The following NELL2 variants were observed in gnomAD, a reference collection of about 807,000 sequenced individuals.
NELL2 encodes the protein protein kinase C-binding protein NELL2.
NELL2 carries 41 observed loss-of-function variants against 109.6 expected under a neutral mutation model. The ratio of observed to expected loss-of-function variants is 0.37; its 90% CI spans 0.29 to 0.49. The LOEUF (loss-of-function observed/expected upper bound fraction) is 0.49, where lower values mean the gene tolerates loss of function less well. Ranked by LOEUF, NELL2 falls within the 20% of genes least tolerant of loss-of-function variation. NELL2 has a pLI of 0.98. For missense variants in NELL2, 900 were observed against 1,008.3 expected (o/e 0.89, Z 1.45); for synonymous variants, 355 against 344.7 (o/e 1.03, Z -0.33).
At chr12:44,712,725 T>C (rs770518169) in intron 10 of NELL2, among the ~76,000 whole-genome samples, 6 of 152,020 alleles carry the variant, frequency 3.9e-5, no homozygotes, top group Admixed American at 3.3e-4. Flanking sequence ...AGTCACTAGG[T>C]ACATGTGGCT....
intron 13 of NELL2, among the ~76,000 whole-genome samples, chr12:44,625,023 T>TATAC (rs1405062743): frequency 7.0e-6 from 1 of 142,144 alleles, no homozygotes; most frequent in East Asian, 2.0e-4. Context: ...TATATATATA[T>TATAC]ATATATATAT....
chr12:44,805,062 A>G (rs1942954427), intron 3 of NELL2, among the ~76,000 whole-genome samples: 1 of 151,910 alleles, frequency 6.6e-6, no homozygotes, highest in Non-Finnish European at 1.5e-5. Context: ...AGGAATTAAA[A>G]TAACAAAATA....
intron 12 of NELL2, among the ~76,000 whole-genome samples, chr12:44,672,890 C>T (rs1023747698): frequency 2.0e-5 from 3 of 152,128 alleles, no homozygotes; most frequent in Admixed American, 2.0e-4. Flanking sequence ...AGATGTTTCC[C>T]TTTTAAGCTA....
At chr12:44,833,244 T>G (rs776612302) in intron 2 of NELL2, among the ~76,000 whole-genome samples, 5 of 152,224 alleles carry the variant, frequency 3.3e-5, no homozygotes, top group Admixed American at 6.5e-5. Flanking sequence ...TCACTATATT[T>G]TATGCTTTAA....
At chr12:44,587,051 T>A (rs1944534810) in intron 15 of NELL2, among the ~76,000 whole-genome samples, 2 of 151,884 alleles carry the variant, frequency 1.3e-5, no homozygotes, top group South Asian at 2.1e-4. Flanking sequence ...GGCGGGTGGA[T>A]CATGAGGTCA....
At chr12:44,672,117 C>A (rs1196538287) in intron 12 of NELL2, among the ~76,000 whole-genome samples, 2 of 152,168 alleles carry the variant, frequency 1.3e-5, no homozygotes, top group East Asian at 1.9e-4. Flanking sequence ...CAGTGAGTCC[C>A]AGCTGGAGCA....
chr12:44,523,707 G>C lies in NELL2; in HGVS notation c.1805-223C>G, dbSNP rs73096332. The C allele has an allele frequency of 3.6e-3, 1,970 of 543,606 alleles. 4 individuals carry two copies. Among genetic ancestry groups the C allele is most frequent in the Admixed American group, 5.4e-3 (161 of 29,782 alleles). The allele number at this position is 543,606 out of a possible 1,614,324, so 33.7% of individuals were successfully genotyped here. On this transcript the variant is annotated intron_variant, in intron 16 of 19. Transcript: ENST00000429094. ...TTGATTTAAAAAATCAGGTAACCTTGGCTAGAATTTCAACTTTTATATCTC... is the reference window on the plus strand; with the variant it reads ...TTGATTTAAAAAATCAGGTAACCTTCGCTAGAATTTCAACTTTTATATCTC...
In NELL2 at chr12:44,876,283, G is replaced by GCACCCGCCCGTCTTCC; in HGVS notation, c.-415_-414insGGAAGACGGGCGGGTG. 8.7e-7 allele frequency: 1 copy of GCACCCGCCCGTCTTCC among 1,144,546 alleles called. No individual in the cohort carries two copies. Among genetic ancestry groups the GCACCCGCCCGTCTTCC allele is most frequent in the East Asian group, 4.7e-5 (1 of 21,058 alleles). The allele number at this position is 1,144,546 out of a possible 1,614,324, so 70.9% of individuals were successfully genotyped here. A position where few individuals can be genotyped will look rare whatever the true frequency, so the allele number is the denominator to read the frequency against. On this transcript the variant is annotated 5_prime_UTR_variant, in exon 1 of 20. Coordinates refer to ENST00000429094, the MANE Select transcript of NELL2 (RefSeq NM_001145108.2). ...GGCCCCGCACCCCCCCGTCTTCCCC[G>GCACCCGCCCGTCTTCC]CCGCCCGAACCTGTTGTAAAGGCAG...
At chr12:44,735,565 C>T (rs1192403570) in intron 9 of NELL2, among the ~76,000 whole-genome samples, 2 of 152,142 alleles carry the variant, frequency 1.3e-5, no homozygotes, top group African/African-American at 2.4e-5. Context: ...AATGCTTCCT[C>T]CTACTATAGG....
At chr12:44,697,237 A>T (rs1032295720) in intron 12 of NELL2, among the ~76,000 whole-genome samples, 3 of 152,230 alleles carry the variant, frequency 2.0e-5, no homozygotes, top group Non-Finnish European at 4.4e-5. Context: ...ATAATTATTT[A>T]CCCACTTATT....
At chr12:44,812,690 T>C (rs1014789589) in intron 3 of NELL2, among the ~76,000 whole-genome samples, 11 of 151,800 alleles carry the variant, frequency 7.2e-5, no homozygotes, top group South Asian at 4.1e-4. Context: ...AAAAATCCAA[T>C]ACAAGCCATA....
chr12:44,672,672 A>T (rs11834792), intron 12 of NELL2, among the ~76,000 whole-genome samples: 2,283 of 152,306 alleles, frequency 0.015, 61 homozygotes, highest in African/African-American at 0.052. Flanking sequence ...TCTGTGAGAG[A>T]GGTGGGGAAA....
intron 3 of NELL2, among the ~76,000 whole-genome samples, chr12:44,782,625 A>C (rs550586446): frequency 6.6e-6 from 1 of 152,078 alleles, no homozygotes; most frequent in Non-Finnish European, 1.5e-5. Flanking sequence ...TATATTTCAG[A>C]GCCAAAAAAT....
At chr12:44,762,673 G>C (rs567269783) in intron 9 of NELL2, among the ~76,000 whole-genome samples, 4 of 152,166 alleles carry the variant, frequency 2.6e-5, no homozygotes, top group Non-Finnish European at 4.4e-5. Flanking sequence ...CAGAGCCTCT[G>C]AATATTCAAT....
chr12:44,918,517 A>ATGTGTGTGTG (rs10589306), upstream of NELL2, among the ~76,000 whole-genome samples: 53 of 123,952 alleles, frequency 4.3e-4, no homozygotes, highest in African/African-American at 1.4e-3. Context: ...GCATGCATGT[A>ATGTGTGTGTG]TGTGTGTGTG....
intron 2 of NELL2, among the ~76,000 whole-genome samples, chr12:44,829,245 G>C (rs1300388356): frequency 6.6e-6 from 1 of 152,138 alleles, no homozygotes; most frequent in East Asian, 1.9e-4. Flanking sequence ...TGAAGATGAT[G>C]ATGATGATGT....
At position 44,893,839 on chromosome 12, in the gene NELL2, G is replaced by T. The variant is rs115929346; in HGVS notation, c.39-17939C>A. Among the ~76,000 whole-genome samples the T allele has an allele frequency of 6.0e-3, 912 of 152,302 alleles. 12 individuals are homozygous for T. The highest frequency in any genetic ancestry group is 0.02 in the African/African-American group (843 of 41,564). The stretch of plus-strand genomic sequence containing the variant: ...AAAATCCTAAACTTGGCCTACAGAA[G>T]TGCTTTCCCAAACCATCTGTGGCAA... On this transcript the variant is annotated intron_variant, in intron 1 of 20. Coordinates refer to the NELL2 transcript ENST00000333837.
chr12:44,740,222 C>T (rs1262201516), intron 9 of NELL2, among the ~76,000 whole-genome samples: 2 of 152,276 alleles, frequency 1.3e-5, no homozygotes, highest in African/African-American at 2.4e-5. Context: ...CTCAGAGATG[C>T]TTTCTTGCTT....
At chr12:44,875,793 C>A (rs757447963) in intron 1 of NELL2, 22 bp downstream of exon 1, 3 of 1,613,054 alleles carry the variant, frequency 1.9e-6, no homozygotes, top group Non-Finnish European at 2.5e-6. Context: ...CTTTCCCCAG[C>A]CCCAGCTCTG....
Sources: gnomAD v4.1 joint callset for allele counts (sites outside exome capture counted in the v4.1 genomes callset) on GRCh38, gnomAD v4.1.1 for gene constraint, MANE v1.5 for transcripts, NCBI Gene and HGNC (gene_info 2026-07-23, HGNC 2026-07-21) for gene names.